The following SPAG16 variants were observed in gnomAD, a reference collection of about 807,000 sequenced individuals.
SPAG16 encodes sperm-associated antigen 16 protein.
SPAG16 carries 86 observed loss-of-function variants against 80.4 expected under a neutral mutation model. That is an observed-to-expected ratio of 1.07 (90% confidence interval 0.90 to 1.28). SPAG16 has a LOEUF of 1.28. Ranked by LOEUF, SPAG16 falls within the 50% of genes most tolerant of loss-of-function variation. The pLI is 0.00. For missense variants in SPAG16, 870 were observed against 765.3 expected (o/e 1.14, Z -1.61); for synonymous variants, 294 against 265.9 (o/e 1.11, Z -1.03).
chr2:213,379,776 G>C (rs1424877919), intron 9 of SPAG16, among the ~76,000 whole-genome samples: 1 of 152,200 alleles, frequency 6.6e-6, no homozygotes, highest in East Asian at 1.9e-4. Flanking sequence ...GCACTCAGCA[G>C]TAGCCATAAC....
At chr2:213,496,339 G>C (rs910989051) in intron 10 of SPAG16, among the ~76,000 whole-genome samples, 2 of 152,120 alleles carry the variant, frequency 1.3e-5, no homozygotes, top group African/African-American at 4.8e-5. Context: ...GAAGAATAGA[G>C]TGACCATTAA....
At chr2:213,668,851 T>G (rs1332823937) in intron 10 of SPAG16, among the ~76,000 whole-genome samples, 5 of 152,118 alleles carry the variant, frequency 3.3e-5, no homozygotes, top group African/African-American at 1.2e-4. Context: ...GGTTTCACTG[T>G]GTTAGCCAGG....
chr2:214,312,649 A>C (rs1404647569), intron 15 of SPAG16, among the ~76,000 whole-genome samples: 1 of 152,164 alleles, frequency 6.6e-6, no homozygotes, highest in Non-Finnish European at 1.5e-5. Flanking sequence ...TGGGAAGTTG[A>C]TCATTCACAC....
chr2:214,207,406 T>A (rs138148843), intron 15 of SPAG16, among the ~76,000 whole-genome samples: 1 of 152,316 alleles, frequency 6.6e-6, no homozygotes, highest in East Asian at 1.9e-4. Context: ...CTTGATTATG[T>A]GCTCAGTAAA....
chr2:213,513,211 A>G (rs1417785238), intron 10 of SPAG16, among the ~76,000 whole-genome samples: 2 of 152,154 alleles, frequency 1.3e-5, no homozygotes, highest in African/African-American at 4.8e-5. Context: ...TAGCATTTAT[A>G]TCTTCTATGC....
chr2:213,511,595 G>GA (rs1404504562), intron 10 of SPAG16, among the ~76,000 whole-genome samples: 1 of 151,822 alleles, frequency 6.6e-6, no homozygotes, highest in African/African-American at 2.4e-5. Flanking sequence ...TTGCCACCTA[G>GA]AAAGGGCCTT....
At chr2:213,371,135 G>A (rs1023376770) in intron 8 of SPAG16, among the ~76,000 whole-genome samples, 2 of 152,108 alleles carry the variant, frequency 1.3e-5, no homozygotes, top group Non-Finnish European at 2.9e-5. Context: ...GAGGCTGTGC[G>A]TGGTGGCTCA....
chr2:214,141,845 T>C (rs1037470589), intron 14 of SPAG16, among the ~76,000 whole-genome samples: 6 of 152,170 alleles, frequency 3.9e-5, no homozygotes, highest in African/African-American at 1.2e-4. Flanking sequence ...TTCATTACAC[T>C]CTGTTTAGGT....
intron 15 of SPAG16, among the ~76,000 whole-genome samples, chr2:214,409,530 A>T (rs1423107562): frequency 6.6e-6 from 1 of 152,154 alleles, no homozygotes; most frequent in African/African-American, 2.4e-5. Context: ...ATGTAAAAAA[A>T]ATTTAATTTA....
chr2:214,008,217 T>A (rs2047115968), intron 12 of SPAG16, among the ~76,000 whole-genome samples: 1 of 152,110 alleles, frequency 6.6e-6, no homozygotes, highest in Non-Finnish European at 1.5e-5. Flanking sequence ...CATAGACCTC[T>A]TTTTTTATGG....
intron 11 of SPAG16, among the ~76,000 whole-genome samples, chr2:213,876,649 T>A (rs887906375): frequency 1.3e-5 from 2 of 152,174 alleles, no homozygotes; most frequent in African/African-American, 2.4e-5. Context: ...TTGGATTGAT[T>A]AAAATGTTTA....
chr2:214,388,315 C>T (rs1700874996), intron 15 of SPAG16, among the ~76,000 whole-genome samples: 1 of 152,084 alleles, frequency 6.6e-6, no homozygotes, highest in Non-Finnish European at 1.5e-5. Flanking sequence ...GGTCCTCTCC[C>T]TCCTAAGGCC....
chr2:213,511,516 A>G (rs73988529), intron 10 of SPAG16, among the ~76,000 whole-genome samples: 13,051 of 152,148 alleles, frequency 0.086, 1,404 homozygotes, highest in African/African-American at 0.25. Flanking sequence ...AGATTTTTCT[A>G]TAGCATAATT....
chr2:213,769,661 G>T (rs2125547402), intron 10 of SPAG16, among the ~76,000 whole-genome samples: 1 of 152,224 alleles, frequency 6.6e-6, no homozygotes, highest in Admixed American at 6.5e-5. Flanking sequence ...CCTGGAAATT[G>T]CTCACTACCT....
At chr2:213,562,668 A>G (rs1327204074) in intron 10 of SPAG16, among the ~76,000 whole-genome samples, 2 of 152,014 alleles carry the variant, frequency 1.3e-5, no homozygotes, top group Non-Finnish European at 2.9e-5. Flanking sequence ...GGGAAAGCCA[A>G]TGTCATATTT....
At chr2:213,385,791 T>TCC (rs2067397457) in intron 9 of SPAG16, among the ~76,000 whole-genome samples, 1 of 33,930 alleles carries the variant, frequency 2.9e-5, no homozygotes, top group South Asian at 1.6e-3. Flanking sequence ...TTCATCTCTG[T>TCC]CCACACACAC....
chr2:214,401,077 T>C (rs980001620), intron 15 of SPAG16, among the ~76,000 whole-genome samples: 1 of 151,998 alleles, frequency 6.6e-6, no homozygotes, highest in African/African-American at 2.4e-5. Context: ...TGATCAGCAG[T>C]AAGGTACAAA....
intron 15 of SPAG16, among the ~76,000 whole-genome samples, chr2:214,182,289 G>A (rs1378385083): frequency 6.6e-6 from 1 of 151,418 alleles, no homozygotes; most frequent in Non-Finnish European, 1.5e-5. Context: ...TGAGACTCTG[G>A]GTAATCAGTT....
intron 15 of SPAG16, among the ~76,000 whole-genome samples, chr2:214,260,583 C>G (rs1691071402): frequency 1.3e-5 from 2 of 152,132 alleles, no homozygotes; most frequent in South Asian, 4.1e-4. Context: ...GCATGGCTTT[C>G]TTTTCATCTT....
Sources: allele counts gnomAD v4.1 joint callset (sites outside exome capture counted in the v4.1 genomes callset), GRCh38; gene constraint gnomAD v4.1.1; transcripts MANE v1.5; gene names NCBI Gene and HGNC (gene_info 2026-07-23, HGNC 2026-07-21).